TMEM196: variants seen among roughly 807,000 people sequenced by gnomAD.
TMEM196 encodes the protein transmembrane protein 196.
A neutral mutation model predicts 20.0 loss-of-function variants in TMEM196; 17 were observed. The observed-to-expected ratio is 0.85, with a 90% CI of 0.58 to 1.27. The LOEUF (loss-of-function observed/expected upper bound fraction) is 1.27. Ranked by LOEUF, TMEM196 falls within the 50% of genes most tolerant of loss-of-function variation. The probability of loss-of-function intolerance (pLI) is 0.00; values close to 1 mark genes in which losing one functional copy is unlikely to be tolerated. For synonymous variants in TMEM196, 113 were observed against 88.9 expected, an observed-to-expected ratio of 1.27 and a Z score of -1.52; for missense variants, 267 against 223.0, an observed-to-expected ratio of 1.20 and a Z score of -1.26.
At chr7:19,748,879 T>C (rs1256817732) in intron 1 of TMEM196, among the ~76,000 whole-genome samples, 2 of 152,176 alleles carry the variant, frequency 1.3e-5, no homozygotes, top group Admixed American at 6.5e-5. Flanking sequence ...TTCCTTAAAA[T>C]CATGTTTTCT....
At chr7:19,722,529 C>A (rs865942977) in intron 4 of TMEM196, among the ~76,000 whole-genome samples, 2 of 152,062 alleles carry the variant, frequency 1.3e-5, no homozygotes, top group Non-Finnish European at 1.5e-5. Flanking sequence ...TAGAGGTGAC[C>A]TTTATTCTAC....
chr7:19,754,266 C>T (rs189566139), intron 1 of TMEM196, among the ~76,000 whole-genome samples: 27 of 152,116 alleles, frequency 1.8e-4, no homozygotes, highest in African/African-American at 5.8e-4. Context: ...TTCAAGTGCT[C>T]GCTATCTATT....
At chr7:19,766,688 G>T (rs1435430381) in intron 1 of TMEM196, among the ~76,000 whole-genome samples, 1 of 151,000 alleles carries the variant, frequency 6.6e-6, no homozygotes, top group Admixed American at 6.6e-5. Context: ...TCTCACCTTT[G>T]GTCACCTTTA....
At chr7:19,756,142 A>C (rs1785202311) in intron 1 of TMEM196, among the ~76,000 whole-genome samples, 1 of 152,148 alleles carries the variant, frequency 6.6e-6, no homozygotes, top group Non-Finnish European at 1.5e-5. Flanking sequence ...AATGTAAGCC[A>C]CAAATGCAAA....
chr7:19,760,992 T>A (rs980918873), intron 1 of TMEM196, among the ~76,000 whole-genome samples: 39 of 152,202 alleles, frequency 2.6e-4, no homozygotes, highest in African/African-American at 9.2e-4. Flanking sequence ...CAGTGTGGAC[T>A]ACAGAGTTAA....
chr7:19,761,411 G>C (rs1334700597), intron 1 of TMEM196, among the ~76,000 whole-genome samples: 1 of 152,096 alleles, frequency 6.6e-6, no homozygotes, highest in African/African-American at 2.4e-5. Context: ...TTCACCATCA[G>C]TTTAACTGGA....
intron 1 of TMEM196, among the ~76,000 whole-genome samples, chr7:19,752,507 C>T (rs766399781): frequency 2.6e-5 from 4 of 152,146 alleles, no homozygotes; most frequent in Admixed American, 6.5e-5. Context: ...CCTTTAGTTT[C>T]TCTAATATCA....
chr7:19,724,211 G>T, intron 4 of TMEM196, 69 bp downstream of exon 4: 1 of 1,359,810 alleles, frequency 7.4e-7, no homozygotes, highest in Non-Finnish European at 1.0e-6. Context: ...TGACATCATG[G>T]CTTTCTGGAA....
chr7:19,726,970 C>G (rs927459918), intron 2 of TMEM196, among the ~76,000 whole-genome samples: 1 of 152,114 alleles, frequency 6.6e-6, no homozygotes, highest in African/African-American at 2.4e-5. Context: ...CTTCCTTAGA[C>G]TCATGGATGA....
At chr7:19,740,082 C>G (rs1375177359) in intron 1 of TMEM196, among the ~76,000 whole-genome samples, 5 of 152,078 alleles carry the variant, frequency 3.3e-5, no homozygotes, top group Admixed American at 1.3e-4. Flanking sequence ...TATTTTAGCA[C>G]TATTAGTAAT....
intron 1 of TMEM196, among the ~76,000 whole-genome samples, chr7:19,736,716 A>G (rs998775874): frequency 2.6e-5 from 4 of 151,842 alleles, no homozygotes; most frequent in Non-Finnish European, 5.9e-5. Flanking sequence ...TCTCACTGAG[A>G]TATCAATAAA....
chr7:19,739,034 G>T (rs1784499570), intron 1 of TMEM196, among the ~76,000 whole-genome samples: 1 of 152,156 alleles, frequency 6.6e-6, no homozygotes, highest in African/African-American at 2.4e-5. Flanking sequence ...AAATCATGTT[G>T]ATGGTACATA....
chr7:19,722,056 CAATTCTTT>C lies in TMEM196; in HGVS notation c.*64_*71del. 1 of 1,602,808 alleles carries C rather than the reference CAATTCTTT, an allele frequency of 6.2e-7. No individual in the cohort carries two copies. Among genetic ancestry groups the C allele is most frequent in the Non-Finnish European group, 8.5e-7 (1 of 1,173,322 alleles). ...CCTCATGAAAATCCTAAAAAGTGTTCAATTCTTTAAAACATTGATTACACTCTTCCATT... is the reference window on the plus strand; with the variant it reads ...CCTCATGAAAATCCTAAAAAGTGTTCAAAACATTGATTACACTCTTCCATT... On this transcript the variant is annotated 3_prime_UTR_variant, in exon 5 of 5. Transcript: ENST00000405844.
chr7:19,760,904 A>G (rs1490772587), intron 1 of TMEM196, among the ~76,000 whole-genome samples: 3 of 152,210 alleles, frequency 2.0e-5, no homozygotes, highest in Admixed American at 6.5e-5. Flanking sequence ...GAGTCATAAC[A>G]GAAGCTTGTG....
At chr7:19,735,754 T>C (rs1362912931) in intron 1 of TMEM196, among the ~76,000 whole-genome samples, 1 of 152,176 alleles carries the variant, frequency 6.6e-6, no homozygotes, top group Non-Finnish European at 1.5e-5. Flanking sequence ...AGGCCAATCC[T>C]ATTTTAACAC....
intron 1 of TMEM196, among the ~76,000 whole-genome samples, chr7:19,761,680 T>G (rs886201284): frequency 2.0e-5 from 3 of 152,140 alleles, no homozygotes; most frequent in African/African-American, 4.8e-5. Context: ...AAGATGCACA[T>G]CAGGTAGTGA....
intron 1 of TMEM196, among the ~76,000 whole-genome samples, chr7:19,770,878 C>G (rs897894705): frequency 2.0e-5 from 3 of 151,748 alleles, no homozygotes; most frequent in Admixed American, 6.6e-5. Context: ...TTTTAATTCT[C>G]AAAGATAAGC....
chr7:19,734,230 A>G (rs1784315403), intron 1 of TMEM196, among the ~76,000 whole-genome samples: 1 of 152,156 alleles, frequency 6.6e-6, no homozygotes, highest in South Asian at 2.1e-4. Context: ...CTAAAAGTAG[A>G]TATTAAGATA....
At chr7:19,760,549 C>T (rs928503665) in intron 1 of TMEM196, among the ~76,000 whole-genome samples, 1 of 151,444 alleles carries the variant, frequency 6.6e-6, no homozygotes, top group African/African-American at 2.4e-5. Flanking sequence ...TTGGTAGAGC[C>T]GAGGTTTCAT....
Sources: allele counts gnomAD v4.1 joint callset (sites outside exome capture counted in the v4.1 genomes callset), GRCh38; gene constraint gnomAD v4.1.1; transcripts MANE v1.5; gene names NCBI Gene and HGNC (gene_info 2026-07-23, HGNC 2026-07-21).